BCOR: variants seen among roughly 807,000 people sequenced by gnomAD.
BCOR encodes the protein BCL6 corepressor.
Under a neutral mutation model 86.7 loss-of-function variants are expected in BCOR, and 10 were observed. The ratio of observed to expected loss-of-function variants is 0.12; its 90% confidence interval spans 0.07 to 0.20. The LOEUF (loss-of-function observed/expected upper bound fraction) is 0.20. Among genes scored for constraint, BCOR ranks in the 10% least tolerant of loss-of-function variants. The probability of loss-of-function intolerance (pLI) is 1.00; values close to 1 mark genes in which losing one functional copy is unlikely to be tolerated. For synonymous variants in BCOR, 611 were observed against 609.0 expected, an observed-to-expected ratio of 1.00 and a Z score of -0.05; for missense variants, 1,259 against 1,452.1, an observed-to-expected ratio of 0.87 and a Z score of 2.16.
chrX:40,105,103 C>T (rs1205520811), intron 1 of BCOR, among the ~76,000 whole-genome samples: 1 of 111,305 alleles, frequency 9.0e-6, no homozygotes, highest in African/African-American at 3.2e-5. Flanking sequence ...ATATCAGCAG[C>T]AGCGGCGGCG....
chrX:40,077,502 G>C, intron 2 of BCOR: 1 of 246,339 alleles, frequency 4.1e-6, no homozygotes, highest in South Asian at 6.6e-5. Flanking sequence ...CAAACTATTT[G>C]TTTTAAAAGC....
intron 1 of BCOR, among the ~76,000 whole-genome samples, chrX:40,171,897 G>T (rs1284858011): frequency 8.9e-6 from 1 of 112,835 alleles, no homozygotes; most frequent in Non-Finnish European, 1.9e-5. Context: ...TAAGGCGCGC[G>T]GGCTGATGCG....
chrX:40,172,559 A>G (rs952988768), intron 1 of BCOR, among the ~76,000 whole-genome samples: 1 of 113,021 alleles, frequency 8.8e-6, no homozygotes, highest in East Asian at 2.8e-4. Flanking sequence ...GTGTGTGTTT[A>G]TGTGTCTGCG....
chrX:40,171,454 C>G (rs1486599503), intron 1 of BCOR, among the ~76,000 whole-genome samples: 1 of 98,637 alleles, frequency 1.0e-5, no homozygotes, highest in African/African-American at 3.7e-5. Flanking sequence ...GGATTAGTCC[C>G]GGGTATGGGT....
chrX:40,098,669 A>G (rs1320763887), upstream of BCOR, among the ~76,000 whole-genome samples: 1 of 109,872 alleles, frequency 9.1e-6, no homozygotes, highest in Non-Finnish European at 1.9e-5. Context: ...TCCGAGACCC[A>G]GCGGAGCGTG....
At chrX:40,144,731 C>G (rs1204989387) in intron 1 of BCOR, among the ~76,000 whole-genome samples, 1 of 110,880 alleles carries the variant, frequency 9.0e-6, no homozygotes, top group Non-Finnish European at 1.9e-5. Context: ...TGACCGCCCC[C>G]CCTCCCCGCC....
intron 1 of BCOR, among the ~76,000 whole-genome samples, chrX:40,128,133 G>A (rs972813891): frequency 2.6e-4 from 29 of 111,308 alleles, no homozygotes; most frequent in African/African-American, 8.8e-4. Flanking sequence ...CCTGAGGCAG[G>A]AGAATCTCTT....
At chrX:40,175,191 G>A (rs1431054108) in intron 1 of BCOR, among the ~76,000 whole-genome samples, 1 of 113,206 alleles carries the variant, frequency 8.8e-6, no homozygotes, top group Non-Finnish European at 1.9e-5. Context: ...TCTCCTCCGA[G>A]GGGCTCAGCA....
At chrX:40,151,830 G>A (rs1423234177) in intron 1 of BCOR, among the ~76,000 whole-genome samples, 1 of 112,429 alleles carries the variant, frequency 8.9e-6, no homozygotes, top group African/African-American at 3.2e-5. Flanking sequence ...GCGGGGGCGC[G>A]GGGCCTCGAG....
intron 1 of BCOR, among the ~76,000 whole-genome samples, chrX:40,110,661 C>CTTTTTTTTTTTTTTT (rs1569182584): frequency 1.6e-4 from 4 of 24,727 alleles, no homozygotes; most frequent in East Asian, 2.4e-3. Context: ...TTCTTTTTTC[C>CTTTTTTTTTTTTTTT]TTTTTCTTTT....
At chrX:40,164,165 G>C (rs1938470683) in intron 1 of BCOR, among the ~76,000 whole-genome samples, 1 of 112,550 alleles carries the variant, frequency 8.9e-6, no homozygotes, top group Non-Finnish European at 1.9e-5. Context: ...ATGCCACATA[G>C]AGAGCCCTGT....
At chrX:40,055,653 C>G (rs1934556763) in intron 11 of BCOR, 140 bp from the exon 12 acceptor site, 27 of 682,224 alleles carry the variant, frequency 4.0e-5, no homozygotes, top group Non-Finnish European at 5.8e-5. Flanking sequence ...GTATTTCATC[C>G]AGGAGGTGTG....
intron 1 of BCOR, among the ~76,000 whole-genome samples, chrX:40,113,334 A>G (rs1937341925): frequency 9.4e-6 from 1 of 106,887 alleles, no homozygotes; most frequent in South Asian, 4.2e-4. Flanking sequence ...TTAACCCTGG[A>G]AGGTCCAGAC....
chrX:40,098,803 T>C (rs1374125373), upstream of BCOR, among the ~76,000 whole-genome samples: 1 of 111,813 alleles, frequency 8.9e-6, no homozygotes, highest in African/African-American at 3.3e-5. Context: ...CCGTTCCGCC[T>C]GAACTCCGCG....
intron 1 of BCOR, among the ~76,000 whole-genome samples, chrX:40,133,261 C>T (rs1340347283): frequency 1.9e-5 from 2 of 107,786 alleles, no homozygotes; most frequent in Non-Finnish European, 3.8e-5. Context: ...CCTCAGCCTC[C>T]TGAGTGGCTG....
At chrX:40,176,232 C>G (rs1290137455) in intron 1 of BCOR, among the ~76,000 whole-genome samples, 1 of 112,504 alleles carries the variant, frequency 8.9e-6, no homozygotes, top group East Asian at 2.8e-4. Flanking sequence ...TGGGGAGCCC[C>G]CAGAGCTAGC....
intron 1 of BCOR, among the ~76,000 whole-genome samples, chrX:40,116,498 A>G (rs1375555741): frequency 9.2e-6 from 1 of 108,826 alleles, no homozygotes; most frequent in Admixed American, 9.8e-5. Context: ...CTCTGTCTCA[A>G]AAAAAAAAAA....
intron 1 of BCOR, among the ~76,000 whole-genome samples, chrX:40,175,799 C>T (rs1031913303): frequency 8.8e-6 from 1 of 113,126 alleles, no homozygotes; most frequent in African/African-American, 3.2e-5. Flanking sequence ...CCGCCCCCAC[C>T]TCCGGAAGAG....
intron 1 of BCOR, among the ~76,000 whole-genome samples, chrX:40,090,619 C>G (rs1006716652): frequency 2.7e-5 from 3 of 111,942 alleles, no homozygotes; most frequent in Non-Finnish European, 5.7e-5. Context: ...AAGCGATCGC[C>G]GTCCAGCCAA....
Sources: allele counts gnomAD v4.1 joint callset (sites outside exome capture counted in the v4.1 genomes callset), GRCh38; gene constraint gnomAD v4.1.1; transcripts MANE v1.5; gene names NCBI Gene and HGNC (gene_info 2026-07-23, HGNC 2026-07-21).